The following DNAJC1 variants were observed in gnomAD, a reference collection of about 807,000 sequenced individuals.
DNAJC1 encodes dnaJ homolog subfamily C member 1.
Under a neutral mutation model 76.6 loss-of-function variants are expected in DNAJC1, and 58 were observed. That is an observed-to-expected ratio of 0.76 (90% confidence interval 0.61 to 0.94). The LOEUF (loss-of-function observed/expected upper bound fraction) is 0.94. Among genes scored for constraint, DNAJC1 ranks in the 40% least tolerant of loss-of-function variants. DNAJC1 has a pLI of 0.00. For missense variants in DNAJC1, 689 were observed against 677.3 expected (o/e 1.02, Z -0.19); for synonymous variants, 258 against 267.9 (o/e 0.96, Z 0.36).
At chr10:21,811,290 T>C (rs1299329179) in intron 8 of DNAJC1, among the ~76,000 whole-genome samples, 1 of 152,228 alleles carries the variant, frequency 6.6e-6, no homozygotes, top group East Asian at 1.9e-4. Flanking sequence ...CACCCACAGT[T>C]TCTTTTAGGC....
chr10:21,932,199 G>A (rs1344416045), intron 1 of DNAJC1, among the ~76,000 whole-genome samples: 1 of 152,140 alleles, frequency 6.6e-6, no homozygotes, highest in Non-Finnish European at 1.5e-5. Flanking sequence ...AATTAGCTGG[G>A]TGTGGTGGCA....
chr10:21,776,937 C>T (rs1338196065), intron 9 of DNAJC1, among the ~76,000 whole-genome samples: 1 of 152,116 alleles, frequency 6.6e-6, no homozygotes, highest in African/African-American at 2.4e-5. Context: ...TTAATGGTTT[C>T]CCCAAATTTT....
chr10:21,985,894 G>A (rs1838238206), intron 1 of DNAJC1, among the ~76,000 whole-genome samples: 1 of 152,090 alleles, frequency 6.6e-6, no homozygotes, highest in East Asian at 1.9e-4. Context: ...TACCTAGGAG[G>A]AACTGAGATG....
intron 6 of DNAJC1, among the ~76,000 whole-genome samples, chr10:21,905,176 C>T (rs1026475368): frequency 7.3e-5 from 11 of 151,576 alleles, no homozygotes; most frequent in African/African-American, 2.7e-4. Context: ...AGGACACATA[C>T]TGCATACATA....
chr10:21,784,355 C>T (rs1482428181), intron 9 of DNAJC1, among the ~76,000 whole-genome samples: 2 of 152,146 alleles, frequency 1.3e-5, no homozygotes, highest in Non-Finnish European at 2.9e-5. Context: ...AATGAAATGC[C>T]ATCTTAGACC....
intron 3 of DNAJC1, among the ~76,000 whole-genome samples, chr10:21,922,926 G>A (rs534021733): frequency 6.6e-6 from 1 of 151,958 alleles, no homozygotes; most frequent in Non-Finnish European, 1.5e-5. Context: ...GCACTCTTAA[G>A]TATTAAATTT....
chr10:21,999,451 C>CTTTTTTTT (rs140026558), intron 1 of DNAJC1, among the ~76,000 whole-genome samples: 17 of 94,042 alleles, frequency 1.8e-4, no homozygotes, highest in East Asian at 6.5e-4. Context: ...CTTCTTGACT[C>CTTTTTTTT]TTTTTTTTTT....
chr10:21,821,943 G>C (rs1835165935), intron 8 of DNAJC1, among the ~76,000 whole-genome samples: 1 of 151,902 alleles, frequency 6.6e-6, no homozygotes, highest in Admixed American at 6.6e-5. Context: ...TTAGAAACCT[G>C]CAGTGTTCTT....
At position 21,943,027 on chromosome 10, in the gene DNAJC1, T is replaced by TA. The variant is rs533901895; in HGVS notation, c.223-13887dup. ...TTAAACACCTCAGCAACTGACAAGT[T>TA]AAAAAAATTTTTTTTTCAAGACAGA... On this transcript the variant is annotated intron_variant, in intron 1 of 11. Coordinates refer to ENST00000376980, the MANE Select transcript of DNAJC1 (RefSeq NM_022365.4). 1.4e-3 allele frequency among the ~76,000 whole-genome samples: 217 copies of TA among 151,954 alleles called. 4 individuals carry two copies. Among genetic ancestry groups the TA allele is most frequent in the African/African-American group, 4.9e-3 (205 of 41,480 alleles).
At chr10:21,823,399 T>C (rs1467075731) in intron 8 of DNAJC1, among the ~76,000 whole-genome samples, 1 of 152,210 alleles carries the variant, frequency 6.6e-6, no homozygotes, top group Non-Finnish European at 1.5e-5. Flanking sequence ...ATGATGCTCA[T>C]ATATGTGTGC....
At chr10:21,978,563 T>C (rs1590076748) in intron 1 of DNAJC1, among the ~76,000 whole-genome samples, 1 of 152,136 alleles carries the variant, frequency 6.6e-6, no homozygotes, top group East Asian at 1.9e-4. Flanking sequence ...TTACATTTTG[T>C]CTTCCAATAC....
intron 7 of DNAJC1, among the ~76,000 whole-genome samples, chr10:21,890,637 C>T (rs1434438316): frequency 1.3e-5 from 2 of 152,046 alleles, no homozygotes; most frequent in African/African-American, 4.8e-5. Flanking sequence ...ACAAACGCTC[C>T]GTTCCTCATC....
chr10:21,969,460 G>C (rs974607487), intron 1 of DNAJC1, among the ~76,000 whole-genome samples: 7 of 152,182 alleles, frequency 4.6e-5, no homozygotes. Flanking sequence ...CATAGAGAAA[G>C]ACTGCATGTA....
chr10:21,943,819 TTA>T lies in DNAJC1; in HGVS notation c.223-14680_223-14679del, dbSNP rs1837459416. ...AACTGCCTAGTCCAATTTCCCAATG[TTA>T]TGTTTCTACCCTGCATATAGTCAGG... On this transcript the variant is annotated intron_variant, in intron 1 of 11. Transcript: ENST00000376980. Among the ~76,000 whole-genome samples the T allele has an allele frequency of 3.3e-5, 5 of 152,260 alleles. No individual in the cohort carries two copies. The South Asian group carries it at 1.0e-3, about 32-fold the overall frequency.
chr10:21,842,602 G>T (rs1458925865), intron 8 of DNAJC1, among the ~76,000 whole-genome samples: 2 of 152,180 alleles, frequency 1.3e-5, no homozygotes, highest in East Asian at 1.9e-4. Context: ...TAGCTATAAA[G>T]AATAGGCAAG....
In DNAJC1 at chr10:21,904,654, T is replaced by C. The variant is rs1220181449; in HGVS notation, c.730-42A>G. ...ATACATAAATTAACATAAAAATCAG[T>C]GTGCTTCAATAATATTTTCCATGTA... On this transcript the variant is annotated intron_variant, in intron 6 of 11. Coordinates refer to ENST00000376980, the MANE Select transcript of DNAJC1 (RefSeq NM_022365.4). The C allele has an allele frequency of 2.4e-6, 3 of 1,227,334 alleles. No homozygotes were observed. In the South Asian group the frequency reaches 4.1e-5, roughly 17 times the overall value. 76.0% of individuals were successfully genotyped at this position (1,227,334 alleles called of 1,614,324 possible).
At chr10:21,948,789 A>G (rs1590062586) in intron 1 of DNAJC1, among the ~76,000 whole-genome samples, 1 of 152,338 alleles carries the variant, frequency 6.6e-6, no homozygotes, top group Admixed American at 6.5e-5. Context: ...AGACTACTGG[A>G]CATTAGGAAC....
In DNAJC1 at chr10:21,811,173, G is replaced by A. The variant is rs183024251; in HGVS notation, c.979-5074C>T. On this transcript the variant is annotated intron_variant, in intron 8 of 11. Transcript: ENST00000376980. Reference sequence around the variant, plus strand: ...AAAGGAGCTCACGGGGTGACCCACCGCCTTACACACAGAGCAAGGCCTTGG... The same window carrying A: ...AAAGGAGCTCACGGGGTGACCCACCACCTTACACACAGAGCAAGGCCTTGG... 3.3e-5 allele frequency among the ~76,000 whole-genome samples: 5 copies of A among 152,230 alleles called. No homozygotes were observed. In the East Asian group the frequency reaches 7.7e-4, roughly 23 times the overall value.
At chr10:21,953,684 GAAT>G (rs953794074) in intron 1 of DNAJC1, among the ~76,000 whole-genome samples, 3 of 151,678 alleles carry the variant, frequency 2.0e-5, no homozygotes, top group African/African-American at 7.2e-5. Flanking sequence ...CTAGAAATGT[GAAT>G]AATATTAAAA....
Sources: gnomAD v4.1 joint callset for allele counts (sites outside exome capture counted in the v4.1 genomes callset) on GRCh38, gnomAD v4.1.1 for gene constraint, MANE v1.5 for transcripts, NCBI Gene and HGNC (gene_info 2026-07-23, HGNC 2026-07-21) for gene names.